Variants in MAMDC2 observed in about 807,000 individuals in gnomAD.
MAMDC2 encodes MAM domain containing 2.
Under a neutral mutation model 89.8 loss-of-function variants are expected in MAMDC2, and 57 were observed. The ratio of observed to expected loss-of-function variants is 0.63; its 90% confidence interval spans 0.51 to 0.79. The LOEUF (loss-of-function observed/expected upper bound fraction) is 0.79, where lower values mean the gene tolerates loss of function less well. Ranked by LOEUF, MAMDC2 falls within the 30% of genes least tolerant of loss-of-function variation. MAMDC2 has a pLI of 0.00. For missense variants in MAMDC2, 800 were observed against 820.6 expected (o/e 0.97, Z 0.31); for synonymous variants, 313 against 293.4 (o/e 1.07, Z -0.68).
At chr9:70,179,974 C>T (rs1333437784) in intron 11 of MAMDC2, among the ~76,000 whole-genome samples, 5 of 150,652 alleles carry the variant, frequency 3.3e-5, no homozygotes, top group Non-Finnish European at 5.9e-5. Context: ...CCTATCATCC[C>T]AACATCTAGG....
chr9:70,091,240 G>A (rs529793860), intron 2 of MAMDC2, among the ~76,000 whole-genome samples: 2 of 152,246 alleles, frequency 1.3e-5, no homozygotes, highest in Non-Finnish European at 2.9e-5. Flanking sequence ...CTGGAACACT[G>A]AGAGACATCA....
intron 11 of MAMDC2, among the ~76,000 whole-genome samples, chr9:70,182,791 T>A (rs191504344): frequency 0.068 from 10,411 of 152,232 alleles, 561 homozygotes; most frequent in East Asian, 0.21. Flanking sequence ...TTGATCTTTT[T>A]AAAAAACCAG....
At chr9:70,112,276 T>C (rs757176993) in intron 4 of MAMDC2, among the ~76,000 whole-genome samples, 64 of 152,180 alleles carry the variant, frequency 4.2e-4, no homozygotes, top group South Asian at 4.1e-4. Flanking sequence ...TGGAGACCAA[T>C]ATATCCATGC....
chr9:70,092,341 C>A (rs1474825688), intron 2 of MAMDC2: 7 of 152,152 alleles, frequency 4.6e-5, no homozygotes, highest in Non-Finnish European at 1.0e-4. Flanking sequence ...ATTAGAAGGA[C>A]CAGAGAGCAT....
chr9:70,208,917 A>T (rs1392095643), intron 11 of MAMDC2, among the ~76,000 whole-genome samples: 1 of 152,192 alleles, frequency 6.6e-6, no homozygotes, highest in Non-Finnish European at 1.5e-5. Context: ...GGTTCTGTTT[A>T]TATGATGGAC....
intron 2 of MAMDC2, among the ~76,000 whole-genome samples, chr9:70,059,288 G>A (rs879793426): frequency 9.2e-5 from 14 of 152,100 alleles, no homozygotes; most frequent in African/African-American, 2.9e-4. Flanking sequence ...CATGGCATAC[G>A]AGCATGCGTC....
intron 5 of MAMDC2, among the ~76,000 whole-genome samples, chr9:70,124,103 C>T (rs978340465): frequency 3.9e-5 from 6 of 152,168 alleles, no homozygotes; most frequent in African/African-American, 1.2e-4. Context: ...GCCGGGCATC[C>T]GCTGCAGTAG....
chr9:70,061,673 A>G (rs1184430264), intron 2 of MAMDC2, among the ~76,000 whole-genome samples: 3 of 152,206 alleles, frequency 2.0e-5, no homozygotes, highest in Non-Finnish European at 4.4e-5. Context: ...CTATTTAAAA[A>G]CTCAAAATTA....
intron 6 of MAMDC2, among the ~76,000 whole-genome samples, chr9:70,129,572 C>T (rs190485052): frequency 3.9e-5 from 6 of 152,302 alleles, no homozygotes. Context: ...TCAGAAGAAG[C>T]TGCAAACTAG....
intron 7 of MAMDC2, 133 bp downstream of exon 7, chr9:70,131,745 C>A: frequency 1.4e-6 from 1 of 696,814 alleles, no homozygotes; most frequent in Non-Finnish European, 2.4e-6. Flanking sequence ...ATTATTTAAT[C>A]AAAGGTCATT....
intron 10 of MAMDC2, chr9:70,170,240 G>A (rs2032292447): frequency 2.5e-6 from 1 of 392,862 alleles, no homozygotes; most frequent in South Asian, 1.4e-4. Flanking sequence ...TTTTCTCAAA[G>A]TAGCCCAGTA....
At chr9:70,091,155 A>C (rs547860127) in intron 2 of MAMDC2, among the ~76,000 whole-genome samples, 36 of 152,190 alleles carry the variant, frequency 2.4e-4, no homozygotes, top group Non-Finnish European at 7.3e-5. Context: ...TCAGTTTCTT[A>C]TATCTTTGAA....
At chr9:70,142,932 T>A (rs1417978118) in intron 8 of MAMDC2, among the ~76,000 whole-genome samples, 3 of 152,164 alleles carry the variant, frequency 2.0e-5, no homozygotes, top group African/African-American at 7.2e-5. Flanking sequence ...AGGGGGAGGT[T>A]CCTGATCTTA....
chr9:70,179,183 C>A (rs1048677588), intron 11 of MAMDC2, among the ~76,000 whole-genome samples: 2 of 152,068 alleles, frequency 1.3e-5, no homozygotes, highest in Admixed American at 1.3e-4. Flanking sequence ...GTAACTAAGA[C>A]ATTGGAGATC....
intron 7 of MAMDC2, 97 bp downstream of exon 7, chr9:70,131,709 C>A (rs2030812182): frequency 1.2e-6 from 1 of 863,776 alleles, no homozygotes; most frequent in Non-Finnish European, 1.9e-6. Context: ...ATTTTCATAT[C>A]TTTCCCCTTC....
rs1389316811 is a variant in MAMDC2, at chr9:70,207,346, A to T, written c.1652-10991A>T. Among the ~76,000 whole-genome samples, 3 of 152,006 alleles carry T rather than the reference A, an allele frequency of 2.0e-5. No homozygotes were observed. The East Asian group carries it at 5.8e-4, about 29-fold the overall frequency. The stretch of plus-strand genomic sequence containing the variant: ...TCTAACTGGTGTGAGATGGTATCTC[A>T]TTGTGGTTTTGATTTGCATTTCTCT... On this transcript the variant is annotated intron_variant, in intron 11 of 13. Coordinates refer to ENST00000377182, the MANE Select transcript of MAMDC2 (RefSeq NM_153267.5).
intron 11 of MAMDC2, among the ~76,000 whole-genome samples, chr9:70,195,268 G>A (rs527683855): frequency 5.3e-5 from 8 of 152,100 alleles, no homozygotes; most frequent in African/African-American, 1.4e-4. Flanking sequence ...AAATCCAGCC[G>A]CACCACCTGG....
At chr9:70,197,795 C>A (rs1052970455) in intron 11 of MAMDC2, among the ~76,000 whole-genome samples, 2 of 152,124 alleles carry the variant, frequency 1.3e-5, no homozygotes, top group Admixed American at 6.6e-5. Flanking sequence ...CTCCTGACAT[C>A]CAGCCATCCA....
chr9:70,154,250 G>C (rs2031674904), intron 9 of MAMDC2: 4 of 152,206 alleles, frequency 2.6e-5, no homozygotes, highest in Admixed American at 2.6e-4. Flanking sequence ...TTCTGGAACA[G>C]AGTGGGTTCT....
Sources: allele counts gnomAD v4.1 joint callset (sites outside exome capture counted in the v4.1 genomes callset), GRCh38; gene constraint gnomAD v4.1.1; transcripts MANE v1.5; gene names NCBI Gene and HGNC (gene_info 2026-07-23, HGNC 2026-07-21).